NDUFS5: variants seen among roughly 807,000 people sequenced by gnomAD.
The protein encoded by NDUFS5 is NADH:ubiquinone oxidoreductase subunit S5, also known as NADH dehydrogenase [ubiquinone] iron-sulfur protein 5.
NDUFS5 carries 7 observed loss-of-function variants against 10.5 expected under a neutral mutation model. That is an observed-to-expected ratio of 0.66 (90% CI 0.38 to 1.25). NDUFS5 has a LOEUF of 1.25. Ranked by LOEUF, NDUFS5 falls within the 50% of genes most tolerant of loss-of-function variation. NDUFS5 has a pLI of 0.02. For missense variants in NDUFS5, 148 were observed against 140.7 expected (o/e 1.05, Z -0.26); for synonymous variants, 38 against 44.0 (o/e 0.86, Z 0.54).
chr1:39,031,310 C>G (rs370254290), intron 2 of NDUFS5, among the ~76,000 whole-genome samples: 17 of 152,052 alleles, frequency 1.1e-4, no homozygotes, highest in African/African-American at 3.6e-4. Flanking sequence ...CACACCCATC[C>G]TGTTAGTCGT....
At chr1:39,027,432 C>T (rs890414051) in intron 1 of NDUFS5, among the ~76,000 whole-genome samples, 1 of 151,928 alleles carries the variant, frequency 6.6e-6, no homozygotes, top group Admixed American at 6.6e-5. Context: ...GGTGTGCGCG[C>T]GCTTCCTTTC....
intron 2 of NDUFS5, among the ~76,000 whole-genome samples, chr1:39,032,660 A>AG (rs1644197741): frequency 6.6e-6 from 1 of 152,114 alleles, no homozygotes; most frequent in Admixed American, 6.6e-5. Context: ...AGAGCAGAAA[A>AG]ATAACAAGTA....
chr1:39,027,461 G>A (rs181126036), intron 1 of NDUFS5, among the ~76,000 whole-genome samples: 19 of 152,102 alleles, frequency 1.2e-4, no homozygotes, highest in Admixed American at 1.0e-3. Flanking sequence ...TAGGCAGTCA[G>A]GGTTTGTTTT....
chr1:39,028,579 G>T, intron 1 of NDUFS5, 144 bp from the exon 2 acceptor site: 1 of 777,416 alleles, frequency 1.3e-6, no homozygotes, highest in Non-Finnish European at 2.1e-6. Flanking sequence ...AAAAAGTTTG[G>T]TGAGAAGAAA....
intron 2 of NDUFS5, 54 bp downstream of exon 2, chr1:39,028,994 C>CTCT: frequency 8.5e-7 from 1 of 1,183,242 alleles, no homozygotes; most frequent in Non-Finnish European, 1.2e-6. Context: ...CTTTGGGACT[C>CTCT]TTTTTTTTTT....
rs141055316 is a variant in NDUFS5 at position 39,027,875 on chromosome 1, A to G, written c.-2-848A>G. On this transcript the variant is annotated intron_variant, in intron 1 of 2. Coordinates refer to ENST00000372969, the MANE Select transcript of NDUFS5 (RefSeq NM_004552.3). ...GCTCTGTCGCCCAGGCTGGAGTACA[A>G]TGGCGGATCTTGGCTTATTGCAACC... Among the ~76,000 whole-genome samples, 1,141 of 133,362 alleles carry G rather than the reference A, an allele frequency of 8.6e-3. 10 individuals are homozygous for G. Among genetic ancestry groups the G allele is most frequent in the Non-Finnish European group, 0.013 (828 of 64,704 alleles). 87.5% of individuals were successfully genotyped at this position (133,362 alleles called of 152,430 possible). A position where few individuals can be genotyped will look rare whatever the true frequency, so the allele number is the denominator to read the frequency against.
chr1:39,027,739 CTTTTTTTTTT>C (rs1162808002), intron 1 of NDUFS5, among the ~76,000 whole-genome samples: 1 of 43,368 alleles, frequency 2.3e-5, no homozygotes, highest in Non-Finnish European at 4.5e-5. Context: ...CCACAAGTGC[CTTTTTTTTTT>C]TTTTTTTTTT....
Position 39,034,560 on chromosome 1 carries a change from G to A in NDUFS5, c.*64G>A, listed in dbSNP as rs1001086632. ...TTCTCTGTTCTCCACTGGAAAGGTT[G>A]TTTACGACAAACCTCCTTGTCAAAG... On this transcript the variant is annotated 3_prime_UTR_variant, in exon 3 of 3. Transcript: ENST00000372969. 3 of 1,379,328 alleles carry A rather than the reference G, an allele frequency of 2.2e-6. No homozygotes were observed. The highest frequency in any genetic ancestry group is 2.3e-5 in the East Asian group (1 of 43,156). 85.4% of individuals were successfully genotyped at this position (1,379,328 alleles called of 1,614,324 possible).
intron 2 of NDUFS5, among the ~76,000 whole-genome samples, chr1:39,030,140 C>T (rs1216549945): frequency 6.6e-6 from 1 of 151,324 alleles, no homozygotes; most frequent in Non-Finnish European, 1.5e-5. Context: ...TGCAGTGGCT[C>T]ATGCCTGTGA....
intron 1 of NDUFS5, 33 bp downstream of exon 1, chr1:39,026,435 G>A (rs1418118666): frequency 1.3e-5 from 2 of 152,254 alleles, no homozygotes; most frequent in East Asian, 3.9e-4. Context: ...CGGCAGCTTA[G>A]CTTAAGGACC....
At chr1:39,029,472 A>T (rs1644175588) in intron 2 of NDUFS5, among the ~76,000 whole-genome samples, 1 of 151,940 alleles carries the variant, frequency 6.6e-6, no homozygotes. Context: ...TCTTCTCCCA[A>T]ATTTTCCTTA....
intron 2 of NDUFS5, 137 bp from the exon 3 acceptor site, chr1:39,034,255 G>A: frequency 1.4e-6 from 1 of 711,698 alleles, no homozygotes; most frequent in Non-Finnish European, 2.5e-6. Flanking sequence ...TTTAAAGGCG[G>A]ACTTCATTTC....
At position 39,028,766 on chromosome 1, in the gene NDUFS5, A is replaced by G. The variant is rs778469871; in HGVS notation, c.42A>G (p.Ile14Met). The G allele has an allele frequency of 1.2e-6, 2 of 1,614,006 alleles. No homozygotes were observed. The change falls in exon 2 of 3, where the codon ATA becomes ATG. Residue 14 changes from isoleucine (I) to methionine (M), a missense_variant. Transcript: ENST00000372969. Reference protein sequence around the residue: ...LDIQKRFGLNIDRWLTIQSGE... With the variant: ...LDIQKRFGLNMDRWLTIQSGE... ...TCCAGAAAAGGTTCGGCCTTAACAT[A>G]GATCGATGGTTGACAATCCAGAGTG...
At chr1:39,026,993 TC>T (rs1299299182) in intron 1 of NDUFS5, among the ~76,000 whole-genome samples, 1 of 152,188 alleles carries the variant, frequency 6.6e-6, no homozygotes, top group Non-Finnish European at 1.5e-5. Context: ...GGAGCTGCTT[TC>T]CCCCGCATCT....
chr1:39,034,189 G>C (rs911947473), intron 2 of NDUFS5, among the ~76,000 whole-genome samples: 6 of 152,078 alleles, frequency 3.9e-5, no homozygotes, highest in Admixed American at 2.6e-4. Context: ...TTTTCAGAGA[G>C]GTTATGTATA....
intron 1 of NDUFS5, among the ~76,000 whole-genome samples, chr1:39,027,007 G>T (rs1176969044): frequency 6.6e-6 from 1 of 152,218 alleles, no homozygotes; most frequent in Non-Finnish European, 1.5e-5. Context: ...CCGCATCTGA[G>T]TGCCTGGAAC....
chr1:39,028,610 A>G, intron 1 of NDUFS5, 113 bp from the exon 2 acceptor site: 1 of 910,004 alleles, frequency 1.1e-6, no homozygotes, highest in Non-Finnish European at 1.8e-6. Flanking sequence ...AATATCAAAC[A>G]GTGTTCTAGA....
At chr1:39,028,241 C>G (rs989512321) in intron 1 of NDUFS5, among the ~76,000 whole-genome samples, 2 of 151,704 alleles carry the variant, frequency 1.3e-5, no homozygotes, top group Non-Finnish European at 2.9e-5. Context: ...AGACCAGCCT[C>G]GCCAACATGC....
intron 2 of NDUFS5, 53 bp downstream of exon 2, chr1:39,028,993 T>TA: frequency 6.0e-5 from 81 of 1,345,914 alleles, no homozygotes; most frequent in Non-Finnish European, 7.4e-5. Flanking sequence ...CCTTTGGGAC[T>TA]CTTTTTTTTT....
Sources: allele counts gnomAD v4.1 joint callset (sites outside exome capture counted in the v4.1 genomes callset), GRCh38; gene constraint gnomAD v4.1.1; transcripts MANE v1.5; gene names NCBI Gene and HGNC (gene_info 2026-07-23, HGNC 2026-07-21).